The following ME1 variants were observed in gnomAD, a reference collection of about 807,000 sequenced individuals.
The protein encoded by ME1 is NADP-dependent malic enzyme.
Under a neutral mutation model 66.4 loss-of-function variants are expected in ME1, and 74 were observed. The observed-to-expected ratio is 1.11, with a 90% CI of 0.92 to 1.35. ME1 has a LOEUF of 1.35. ME1 is among the 40% of genes most tolerant of loss of function. The pLI is 0.00. For synonymous variants in ME1, 251 were observed against 235.6 expected (o/e 1.07, Z -0.60); for missense variants, 750 against 694.1 (o/e 1.08, Z -0.90).
chr6:83,371,721 G>A (rs1769196273), intron 3 of ME1, among the ~76,000 whole-genome samples: 7 of 152,060 alleles, frequency 4.6e-5, no homozygotes, highest in Admixed American at 4.6e-4. Context: ...ACCAAATAAT[G>A]CCCATTTTCC....
intron 3 of ME1, among the ~76,000 whole-genome samples, chr6:83,353,650 ATAGT>A (rs1481435267): frequency 2.6e-5 from 4 of 152,028 alleles, no homozygotes; most frequent in Non-Finnish European, 5.9e-5. Context: ...TCAATCCATT[ATAGT>A]TATTTTCCTT....
Position 83,229,381 on chromosome 6 carries a change from A to G in ME1, c.1027-450T>C, listed in dbSNP as rs545045282. On this transcript the variant is annotated intron_variant, in intron 9 of 13. Transcript: ENST00000369705. ...TTGAAGTCATATTTATGTCATTGTT[A>G]GATTTTCTCAGTAAGTATGCATTTT... Among the ~76,000 whole-genome samples, 3 of 152,336 alleles carry G rather than the reference A, an allele frequency of 2.0e-5. No homozygotes were observed. The East Asian group carries it at 5.8e-4, about 29-fold the overall frequency.
At chr6:83,359,695 T>C (rs1297212739) in intron 3 of ME1, among the ~76,000 whole-genome samples, 1 of 152,176 alleles carries the variant, frequency 6.6e-6, no homozygotes, top group African/African-American at 2.4e-5. Flanking sequence ...GATTAGTCAC[T>C]TTAGACTGAC....
intron 6 of ME1, among the ~76,000 whole-genome samples, chr6:83,296,155 A>G (rs2128535756): frequency 6.6e-6 from 1 of 152,290 alleles, no homozygotes; most frequent in Non-Finnish European, 1.5e-5. Flanking sequence ...TCTTCTCCTC[A>G]TTCTATGATG....
At chr6:83,323,277 A>G (rs1342672347) in intron 5 of ME1, among the ~76,000 whole-genome samples, 1 of 152,194 alleles carries the variant, frequency 6.6e-6, no homozygotes, top group Non-Finnish European at 1.5e-5. Flanking sequence ...TAGCATAATA[A>G]TGACAGGAGC....
intron 1 of ME1, among the ~76,000 whole-genome samples, chr6:83,413,969 G>C (rs971701670): frequency 1.3e-5 from 2 of 151,872 alleles, no homozygotes; most frequent in African/African-American, 4.8e-5. Context: ...AAATTAGCCA[G>C]GTATGGTGGT....
chr6:83,371,615 A>C (rs1212640067), intron 3 of ME1, among the ~76,000 whole-genome samples: 1 of 152,180 alleles, frequency 6.6e-6, no homozygotes, highest in African/African-American at 2.4e-5. Flanking sequence ...GTTCAAGCAA[A>C]TTCTTCTGAT....
chr6:83,237,349 GAA>G (rs1434353073), intron 9 of ME1, among the ~76,000 whole-genome samples: 1 of 123,618 alleles, frequency 8.1e-6, no homozygotes, highest in Admixed American at 8.5e-5. Flanking sequence ...AGGAAAGAAA[GAA>G]AAAGAAAGAA....
chr6:83,353,246 G>T (rs1420339915), intron 3 of ME1, among the ~76,000 whole-genome samples: 1 of 152,130 alleles, frequency 6.6e-6, no homozygotes, highest in East Asian at 1.9e-4. Context: ...CATTTCATGG[G>T]TTGATGTTAT....
At chr6:83,237,240 A>AAAGAAAGAAAGC in intron 9 of ME1, among the ~76,000 whole-genome samples, 1 of 91,846 alleles carries the variant, frequency 1.1e-5, no homozygotes, top group Non-Finnish European at 2.2e-5. Context: ...AGAAAGAAAG[A>AAAGAAAGAAAGC]AAGAAAGAAA....
intron 3 of ME1, among the ~76,000 whole-genome samples, chr6:83,395,544 C>T (rs1222002522): frequency 6.6e-6 from 1 of 150,432 alleles, no homozygotes; most frequent in Non-Finnish European, 1.5e-5. Context: ...GGCGTGATCT[C>T]GGCTCACTGC....
chr6:83,277,358 C>T (rs377262684), intron 6 of ME1, among the ~76,000 whole-genome samples: 1 of 152,174 alleles, frequency 6.6e-6, no homozygotes, highest in Non-Finnish European at 1.5e-5. Context: ...GGCCTAGCCT[C>T]AGCACCCCCA....
chr6:83,376,999 C>A (rs1769304782), intron 3 of ME1, among the ~76,000 whole-genome samples: 1 of 151,838 alleles, frequency 6.6e-6, no homozygotes, highest in Non-Finnish European at 1.5e-5. Flanking sequence ...AAGTTTATGA[C>A]AAAAGTGTAA....
intron 3 of ME1, among the ~76,000 whole-genome samples, chr6:83,380,816 A>C (rs974488762): frequency 1.6e-4 from 24 of 152,126 alleles, no homozygotes; most frequent in African/African-American, 5.8e-4. Context: ...AAATTCTCCA[A>C]TTACATGTGA....
At chr6:83,313,299 T>G (rs1183835298) in intron 6 of ME1, among the ~76,000 whole-genome samples, 1 of 152,218 alleles carries the variant, frequency 6.6e-6, no homozygotes, top group African/African-American at 2.4e-5. Context: ...GTACAAACCC[T>G]GATTCATAGG....
chr6:83,270,726 T>G (rs1342985279), intron 6 of ME1, among the ~76,000 whole-genome samples: 3 of 152,194 alleles, frequency 2.0e-5, no homozygotes, highest in Non-Finnish European at 4.4e-5. Context: ...GGATGCATAA[T>G]ATGTGGAATT....
intron 3 of ME1, among the ~76,000 whole-genome samples, chr6:83,364,070 T>C (rs1431055329): frequency 6.6e-6 from 1 of 152,112 alleles, no homozygotes; most frequent in Admixed American, 6.6e-5. Flanking sequence ...ATCCTGGGTG[T>C]GTCTGTGAGG....
In ME1 at chr6:83,398,400, C is replaced by T. The variant is rs769551004; in HGVS notation, c.329G>A (p.Cys110Tyr). 30 of 1,593,598 alleles carry T rather than the reference C, an allele frequency of 1.9e-5. No individual in the cohort carries two copies. The highest frequency in any genetic ancestry group is 2.6e-5 in the Non-Finnish European group (30 of 1,172,126). The change falls in exon 3 of 14, where the codon TGC (cysteine) becomes TAC (tyrosine). Residue 110 changes from cysteine (C) to tyrosine (Y), a missense_variant. Physicochemically the swap from Cys to Tyr is radical, Grantham distance 194. Transcript: ENST00000369705. The part of the protein sequence containing the change: ...IVYTPTVGLA[C>Y]QQYSLVFRKP... ...CCGAAACACCAAACTATATTGTTGG[C>T]AAGCCAGACCCACAGTGGGAGTATA...
intron 3 of ME1, among the ~76,000 whole-genome samples, chr6:83,385,105 G>A (rs1407448049): frequency 6.6e-6 from 1 of 151,790 alleles, no homozygotes; most frequent in African/African-American, 2.4e-5. Context: ...TTTCTCACAT[G>A]ACAAGTTTTC....
Sources: gnomAD v4.1 joint callset for allele counts (sites outside exome capture counted in the v4.1 genomes callset) on GRCh38, gnomAD v4.1.1 for gene constraint, MANE v1.5 for transcripts, NCBI Gene and HGNC (gene_info 2026-07-23, HGNC 2026-07-21) for gene names.